The following BCKDHB variants were observed in gnomAD, a reference collection of about 807,000 sequenced individuals.
BCKDHB encodes branched chain keto acid dehydrogenase E1 subunit beta.
Under a neutral mutation model 48.5 loss-of-function variants are expected in BCKDHB, and 41 were observed. The observed-to-expected ratio is 0.85, with a 90% confidence interval of 0.66 to 1.10. The LOEUF (loss-of-function observed/expected upper bound fraction) is 1.10. Among genes scored for constraint, BCKDHB ranks in the 50% least tolerant of loss-of-function variants. BCKDHB has a pLI of 0.00. For synonymous variants in BCKDHB, 201 were observed against 174.8 expected (o/e 1.15, Z -1.18); for missense variants, 496 against 494.2 (o/e 1.00, Z -0.03).
intron 8 of BCKDHB, among the ~76,000 whole-genome samples, chr6:80,240,380 C>T (rs978476698): frequency 6.6e-6 from 1 of 152,118 alleles, no homozygotes; most frequent in Non-Finnish European, 1.5e-5. Flanking sequence ...GAATACAACT[C>T]ACATGCCTTG....
At chr6:80,422,016 T>C in the BCKDHB span, among the ~76,000 whole-genome samples, 1 of 152,178 alleles carries the variant, frequency 6.6e-6, no homozygotes, top group East Asian at 1.9e-4. Flanking sequence ...ATGAGAAAAA[T>C]GTCTCCAGAG....
the BCKDHB span, among the ~76,000 whole-genome samples, chr6:80,379,014 A>G: frequency 1.3e-5 from 2 of 152,102 alleles, no homozygotes; most frequent in Non-Finnish European, 2.9e-5. Context: ...TTTACCAGAC[A>G]TGCAAAGAGC....
At chr6:80,166,180 C>A (rs180916719) in intron 3 of BCKDHB, among the ~76,000 whole-genome samples, 261 of 152,120 alleles carry the variant, frequency 1.7e-3, no homozygotes, top group African/African-American at 6.0e-3. Context: ...TTTTATTTTG[C>A]CCAGAGTTTA....
At chr6:80,315,642 A>G (rs915609435) in intron 9 of BCKDHB, among the ~76,000 whole-genome samples, 2 of 151,390 alleles carry the variant, frequency 1.3e-5, no homozygotes, top group Admixed American at 6.6e-5. Flanking sequence ...TTTTAGAGAC[A>G]GGATCTTGCC....
the BCKDHB span, among the ~76,000 whole-genome samples, chr6:80,392,914 C>T: frequency 5.1e-4 from 70 of 136,100 alleles, no homozygotes; most frequent in Admixed American, 9.4e-4. Context: ...AAATAACATA[C>T]TTATGCCGGC....
chr6:80,356,841 A>AT, the BCKDHB span: 1 of 150,672 alleles, frequency 6.6e-6, no homozygotes, highest in Admixed American at 6.6e-5. Flanking sequence ...AAAATATGGT[A>AT]TTTTTTCTTC....
At chr6:80,315,598 GT>G (rs920512530) in intron 9 of BCKDHB, among the ~76,000 whole-genome samples, 52 of 143,942 alleles carry the variant, frequency 3.6e-4, no homozygotes, top group East Asian at 1.0e-3. Flanking sequence ...CCGATCCCTT[GT>G]TTTTTTTTTT....
chr6:80,230,146 C>G (rs908260547), intron 8 of BCKDHB, among the ~76,000 whole-genome samples: 1 of 143,672 alleles, frequency 7.0e-6, no homozygotes, highest in Non-Finnish European at 1.5e-5. Flanking sequence ...TCATGCCATT[C>G]TCCTGCCTCA....
chr6:80,334,360 T>C (rs1308971295), intron 9 of BCKDHB, among the ~76,000 whole-genome samples: 1 of 152,134 alleles, frequency 6.6e-6, no homozygotes, highest in African/African-American at 2.4e-5. Flanking sequence ...AGGTCAGATA[T>C]TCCTGCCAGA....
chr6:80,448,988 C>A, the BCKDHB span, among the ~76,000 whole-genome samples: 1 of 152,184 alleles, frequency 6.6e-6, no homozygotes, highest in Non-Finnish European at 1.5e-5. Context: ...TTCATACTTG[C>A]AACCTGATTA....
At chr6:80,128,461 A>G (rs929324168) in intron 2 of BCKDHB, among the ~76,000 whole-genome samples, 1 of 152,214 alleles carries the variant, frequency 6.6e-6, no homozygotes, top group African/African-American at 2.4e-5. Flanking sequence ...ATTCAGCTCT[A>G]TGAATACCCC....
At position 80,295,276 on chromosome 6, in the gene BCKDHB, A is replaced by G. The variant is rs144846408; in HGVS notation, c.1038+22055A>G. ...ACCTGAAACTGGGTAATTTATAAGG[A>G]TAAAGGATATAATGGACTTACACTT... On this transcript the variant is annotated intron_variant, in intron 9 of 9. Coordinates refer to ENST00000320393, the MANE Select transcript of BCKDHB (RefSeq NM_183050.4). Among the ~76,000 whole-genome samples the G allele has an allele frequency of 8.2e-3, 1,253 of 152,322 alleles. 30 individuals are homozygous for G. The highest frequency in any genetic ancestry group is 0.068 in the Admixed American group (1,044 of 15,296).
intron 9 of BCKDHB, among the ~76,000 whole-genome samples, chr6:80,341,725 G>T (rs73751603): frequency 6.6e-6 from 1 of 152,128 alleles, no homozygotes; most frequent in Admixed American, 6.5e-5. Context: ...AATCAAAGAC[G>T]TTTAGTAAAA....
chr6:80,417,711 C>G, the BCKDHB span, among the ~76,000 whole-genome samples: 1 of 152,188 alleles, frequency 6.6e-6, no homozygotes, highest in Non-Finnish European at 1.5e-5. Context: ...TGCTGTTAGT[C>G]TGATGATCTT....
chr6:80,131,816 T>A (rs146679423), intron 3 of BCKDHB, among the ~76,000 whole-genome samples: 10,877 of 151,840 alleles, frequency 0.072, 583 homozygotes, highest in South Asian at 0.24. Flanking sequence ...CTAATTTTTG[T>A]ATTTTTAGTA....
the BCKDHB span, among the ~76,000 whole-genome samples, chr6:80,399,830 C>A: frequency 2.0e-5 from 3 of 151,942 alleles, no homozygotes; most frequent in Non-Finnish European, 4.4e-5. Context: ...CATCATGCAA[C>A]TATTCTACAG....
At chr6:80,438,971 G>A in the BCKDHB span, among the ~76,000 whole-genome samples, 1 of 152,082 alleles carries the variant, frequency 6.6e-6, no homozygotes, top group Non-Finnish European at 1.5e-5. Context: ...CAGACGGGTG[G>A]GACAGATCAG....
At chr6:80,375,266 T>G in the BCKDHB span, among the ~76,000 whole-genome samples, 3 of 152,208 alleles carry the variant, frequency 2.0e-5, no homozygotes, top group African/African-American at 7.2e-5. Context: ...TAGATTTCTC[T>G]TCTTCCTTGG....
At chr6:80,288,616 T>G (rs990030797) in intron 9 of BCKDHB, among the ~76,000 whole-genome samples, 2 of 152,098 alleles carry the variant, frequency 1.3e-5, no homozygotes, top group Non-Finnish European at 2.9e-5. Flanking sequence ...TTGCCAACTG[T>G]GTAGATACCC....
Sources: allele counts gnomAD v4.1 joint callset (sites outside exome capture counted in the v4.1 genomes callset), GRCh38; gene constraint gnomAD v4.1.1; transcripts MANE v1.5; gene names NCBI Gene and HGNC (gene_info 2026-07-23, HGNC 2026-07-21).